Variants in FOXP1 observed in about 807,000 individuals in gnomAD.
The protein encoded by FOXP1 is forkhead box protein P1.
Under a neutral mutation model 98.2 loss-of-function variants are expected in FOXP1, and 15 were observed. That is an observed-to-expected ratio of 0.15 (90% CI 0.10 to 0.24). FOXP1 has a LOEUF of 0.24. FOXP1 is among the 10% of genes least tolerant of loss of function. The pLI is 1.00. For missense variants in FOXP1, 633 were observed against 848.5 expected (o/e 0.75, Z 3.15); for synonymous variants, 371 against 314.5 (o/e 1.18, Z -1.90).
At chr3:71,405,530 C>G (rs2082255621) in intron 3 of FOXP1, among the ~76,000 whole-genome samples, 1 of 152,116 alleles carries the variant, frequency 6.6e-6, no homozygotes, top group African/African-American at 2.4e-5. Flanking sequence ...GACAGACAGC[C>G]AGGAGGAGGC....
At chr3:71,182,359 T>G (rs2062363271) in intron 6 of FOXP1, among the ~76,000 whole-genome samples, 1 of 152,202 alleles carries the variant, frequency 6.6e-6, no homozygotes, top group Non-Finnish European at 1.5e-5. Flanking sequence ...GCCATTTATA[T>G]ATATCATTTT....
At chr3:71,337,523 G>T (rs2076757646) in intron 4 of FOXP1, among the ~76,000 whole-genome samples, 1 of 152,186 alleles carries the variant, frequency 6.6e-6, no homozygotes, top group African/African-American at 2.4e-5. Flanking sequence ...AATATTGAAA[G>T]TGCAGGCCCC....
At chr3:71,514,680 A>T (rs2042433793) in intron 2 of FOXP1, among the ~76,000 whole-genome samples, 1 of 152,146 alleles carries the variant, frequency 6.6e-6, no homozygotes, top group African/African-American at 2.4e-5. Flanking sequence ...TTTCTCCTTC[A>T]TACAAGTTGA....
chr3:71,188,084 A>T (rs1455017829), intron 6 of FOXP1, among the ~76,000 whole-genome samples: 1 of 152,258 alleles, frequency 6.6e-6, no homozygotes, highest in East Asian at 1.9e-4. Flanking sequence ...TATTTTGTTA[A>T]TTTTTTCCAA....
At chr3:71,394,627 A>G (rs2081251786) in intron 3 of FOXP1, among the ~76,000 whole-genome samples, 2 of 152,202 alleles carry the variant, frequency 1.3e-5, no homozygotes, top group African/African-American at 2.4e-5. Context: ...TTTGTATATG[A>G]CTTTGCATTT....
chr3:70,987,299 G>A (rs1017125357), intron 14 of FOXP1, among the ~76,000 whole-genome samples: 1 of 152,160 alleles, frequency 6.6e-6, no homozygotes, highest in Non-Finnish European at 1.5e-5. Context: ...GTTCAGACAC[G>A]ATCCTTCTGC....
At chr3:70,990,204 A>G (rs1393882026) in intron 13 of FOXP1, among the ~76,000 whole-genome samples, 1 of 152,224 alleles carries the variant, frequency 6.6e-6, no homozygotes, top group Non-Finnish European at 1.5e-5. Context: ...GTTAGTGAAA[A>G]CTAATGTGTA....
rs1035075345 is a variant in FOXP1, at chr3:71,565,697, C to T, written c.-298+15852G>A. On this transcript the variant is annotated intron_variant, in intron 2 of 20. Coordinates refer to ENST00000649528, the MANE Select transcript of FOXP1 (RefSeq NM_001349338.3). ...TAAAGATGGCCCATTTGATCCTGGG[C>T]GGCCATCTATTTAGTAAATAAAAGG... is the stretch of plus-strand genomic sequence containing the variant. Among the ~76,000 whole-genome samples, 16 of 152,238 alleles carry T rather than the reference C, an allele frequency of 1.1e-4. 2 individuals are homozygous for T. The highest frequency in any genetic ancestry group is 9.2e-4 in the Admixed American group (14 of 15,298).
At chr3:71,496,330 G>A (rs182065231) in intron 2 of FOXP1, among the ~76,000 whole-genome samples, 1 of 152,236 alleles carries the variant, frequency 6.6e-6, no homozygotes, top group Non-Finnish European at 1.5e-5. Context: ...GGTTTTGGGA[G>A]GAATTGGAAG....
intron 6 of FOXP1, among the ~76,000 whole-genome samples, chr3:71,160,214 T>C (rs908346212): frequency 6.6e-6 from 1 of 152,174 alleles, no homozygotes; most frequent in Non-Finnish European, 1.5e-5. Flanking sequence ...CTTGGGCCTA[T>C]TGGGGTTTTG....
intron 6 of FOXP1, among the ~76,000 whole-genome samples, chr3:71,113,233 T>A (rs770402388): frequency 3.9e-5 from 6 of 152,208 alleles, no homozygotes; most frequent in South Asian, 2.1e-4. Context: ...GCAAATCTGA[T>A]CTCTAGTCAT....
At chr3:71,221,146 C>T (rs4677600) in intron 5 of FOXP1, among the ~76,000 whole-genome samples, 105,164 of 151,988 alleles carry the variant, frequency 0.69, 37,287 homozygotes, top group South Asian at 0.83. Flanking sequence ...GCCTGAGCTC[C>T]GCCTCCTGTT....
At chr3:71,129,508 G>A (rs73121537) in intron 6 of FOXP1, among the ~76,000 whole-genome samples, 1 of 152,094 alleles carries the variant, frequency 6.6e-6, no homozygotes, top group African/African-American at 2.4e-5. Context: ...AGCAAACGAG[G>A]TTCACAGTAA....
chr3:71,298,016 G>C (rs1387901320), intron 5 of FOXP1, among the ~76,000 whole-genome samples: 3 of 152,192 alleles, frequency 2.0e-5, no homozygotes, highest in Non-Finnish European at 4.4e-5. Context: ...AGATCACTCT[G>C]TGAGATTATA....
intron 11 of FOXP1, among the ~76,000 whole-genome samples, chr3:71,026,842 T>C (rs1050720987): frequency 6.6e-5 from 10 of 152,168 alleles, no homozygotes; most frequent in Non-Finnish European, 1.5e-4. Context: ...TGGAGGCTGG[T>C]TGGTGTGCTT....
chr3:71,242,863 A>G (rs908889020), intron 5 of FOXP1, among the ~76,000 whole-genome samples: 10 of 152,202 alleles, frequency 6.6e-5, no homozygotes, highest in African/African-American at 2.4e-4. Flanking sequence ...ATTTAAAGAA[A>G]GTAGCTTTTC....
intron 6 of FOXP1, among the ~76,000 whole-genome samples, chr3:71,145,198 G>C (rs1312580243): frequency 1.3e-5 from 2 of 152,164 alleles, no homozygotes; most frequent in Non-Finnish European, 2.9e-5. Context: ...ATATACAAGA[G>C]TATGAGTAAC....
intron 11 of FOXP1, among the ~76,000 whole-genome samples, chr3:71,034,134 CA>C (rs1430409838): frequency 5.9e-5 from 9 of 152,124 alleles, no homozygotes; most frequent in Non-Finnish European, 1.2e-4. Flanking sequence ...TCCCTGCCAG[CA>C]AAAAGATGAG....
At chr3:71,469,449 C>T (rs1241154816) in intron 3 of FOXP1, among the ~76,000 whole-genome samples, 1 of 152,194 alleles carries the variant, frequency 6.6e-6, no homozygotes, top group African/African-American at 2.4e-5. Context: ...AAGTCACCTT[C>T]TTGTAAAGCC....
Sources: allele counts gnomAD v4.1 joint callset (sites outside exome capture counted in the v4.1 genomes callset), GRCh38; gene constraint gnomAD v4.1.1; transcripts MANE v1.5; gene names NCBI Gene and HGNC (gene_info 2026-07-23, HGNC 2026-07-21).